The following CFAP74 variants were observed in gnomAD, a reference collection of about 807,000 sequenced individuals.
The protein encoded by CFAP74 is cilia and flagella associated protein 74.
CFAP74 carries 124 observed loss-of-function variants against 188.9 expected under a neutral mutation model. The observed-to-expected ratio is 0.66, with a 90% CI of 0.57 to 0.76. The LOEUF (loss-of-function observed/expected upper bound fraction) is 0.76, where lower values mean the gene tolerates loss of function less well. Among genes scored for constraint, CFAP74 ranks in the 30% least tolerant of loss-of-function variants. The pLI, the probability that CFAP74 is intolerant of heterozygous loss-of-function variation, is 0.00. For missense variants in CFAP74, 2,198 were observed against 2,165.2 expected, an observed-to-expected ratio of 1.02 and a Z score of -0.30; for synonymous variants, 956 against 916.7, an observed-to-expected ratio of 1.04 and a Z score of -0.77.
intron 37 of CFAP74, 108 bp downstream of exon 37, chr1:1,922,877 C>G: frequency 6.7e-7 from 1 of 1,494,212 alleles, no homozygotes; most frequent in Non-Finnish European, 8.9e-7. Flanking sequence ...AAAAGCCCGG[C>G]TGTCAGGACA....
chr1:1,939,386 G>A (rs1401224856), intron 24 of CFAP74, among the ~76,000 whole-genome samples: 2 of 152,232 alleles, frequency 1.3e-5, no homozygotes, highest in African/African-American at 4.8e-5. Context: ...GAGCGCAGGA[G>A]GTGCACAGGA....
chr1:1,988,857 C>A (rs1657407875), intron 3 of CFAP74, 32 bp downstream of exon 3: 1 of 645,946 alleles, frequency 1.5e-6, no homozygotes, highest in South Asian at 1.5e-5. Context: ...CACCCCCCCA[C>A]ACCCACCTCC....
chr1:1,996,572 T>C (rs1657923800), intron 1 of CFAP74, among the ~76,000 whole-genome samples: 1 of 152,080 alleles, frequency 6.6e-6, no homozygotes, highest in African/African-American at 2.4e-5. Flanking sequence ...TCAGATTAAG[T>C]GTGTGTAATC....
intron 6 of CFAP74, among the ~76,000 whole-genome samples, chr1:1,981,112 C>T (rs1656814070): frequency 6.6e-6 from 1 of 152,244 alleles, no homozygotes; most frequent in African/African-American, 2.4e-5. Flanking sequence ...CTCGCACACA[C>T]CCGTGCTATT....
intron 11 of CFAP74, among the ~76,000 whole-genome samples, chr1:1,967,416 A>G (rs1655545528): frequency 1.4e-5 from 2 of 145,914 alleles, no homozygotes; most frequent in South Asian, 4.8e-4. Context: ...TGCCACAGAA[A>G]ATCGCAGGGA....
chr1:1,993,887 C>A (rs2377036), intron 1 of CFAP74, among the ~76,000 whole-genome samples: 138,312 of 149,844 alleles, frequency 0.92, 64,015 homozygotes, highest in Admixed American at 0.95. Flanking sequence ...GAGGCTGAGG[C>A]AGGAGAATGG....
chr1:1,946,409 A>C lies in CFAP74; in HGVS notation c.2272T>G (p.Ser758Ala), dbSNP rs1258486347. 1.3e-6 allele frequency: 2 copies of C among 1,536,738 alleles called. No homozygotes were observed. The highest frequency in any genetic ancestry group is 2.7e-5 in the African/African-American group (2 of 73,014). Reference protein sequence around the residue: ...VTEGEIGPFSSIKVPIVFTPV... With the variant: ...VTEGEIGPFSAIKVPIVFTPV... ...GTGAAGACGATGGGCACCTTGATGG[A>C]GCTGAAGGGGCCAATTTCCCCTTCT... Residue 758 changes from serine (S) to alanine (A), a missense_variant, in exon 20 of 39, where the codon TCC becomes GCC. Coordinates refer to ENST00000682832, the MANE Select transcript of CFAP74 (RefSeq NM_001304360.2).
At chr1:1,989,546 C>A (rs146259211) in intron 2 of CFAP74, among the ~76,000 whole-genome samples, 1 of 152,304 alleles carries the variant, frequency 6.6e-6, no homozygotes, top group Non-Finnish European at 1.5e-5. Flanking sequence ...CTGCCACCTT[C>A]GCCTCCCAGG....
chr1:1,952,702 C>T (rs1654281621), intron 18 of CFAP74, among the ~76,000 whole-genome samples: 1 of 151,992 alleles, frequency 6.6e-6, no homozygotes, highest in African/African-American at 2.4e-5. Context: ...GTCGCCCAGG[C>T]TGAATGCAGT....
intron 25 of CFAP74, among the ~76,000 whole-genome samples, chr1:1,932,384 G>C (rs1370292260): frequency 6.8e-6 from 1 of 147,656 alleles, no homozygotes; most frequent in East Asian, 2.0e-4. Flanking sequence ...GTGATAGAGC[G>C]AGACTCTGTC....
At chr1:1,957,739 A>G (rs1180524378) in intron 16 of CFAP74, among the ~76,000 whole-genome samples, 1 of 151,148 alleles carries the variant, frequency 6.6e-6, no homozygotes. Context: ...CAGGCTGAGC[A>G]GGAGGGAGCC....
intron 23 of CFAP74, among the ~76,000 whole-genome samples, chr1:1,939,985 G>T (rs1039195639): frequency 6.6e-6 from 1 of 152,254 alleles, no homozygotes; most frequent in African/African-American, 2.4e-5. Flanking sequence ...GCCTGCTGCA[G>T]GTGGAGTGGG....
rs1408603626 is a variant in CFAP74 at position 1,973,308 on chromosome 1, G to A, written c.675-261C>T. Reference sequence around the variant, plus strand: ...GCAAGGTTTGATCCCAGCTGGGCAGGGGTCTGGGAAGAGGACGGTGCAGGC... The same window carrying A: ...GCAAGGTTTGATCCCAGCTGGGCAGAGGTCTGGGAAGAGGACGGTGCAGGC... On this transcript the variant is annotated intron_variant, in intron 7 of 38. Coordinates refer to ENST00000682832, the MANE Select transcript of CFAP74 (RefSeq NM_001304360.2). This position sits in a 1 kb window ranked among gnomAD's most constrained non-coding sequence, Gnocchi z 6.2. Among the ~76,000 whole-genome samples the A allele has an allele frequency of 6.6e-6, 1 of 152,212 alleles. No individual in the cohort carries two copies. Among genetic ancestry groups the A allele is most frequent in the Non-Finnish European group, 1.5e-5 (1 of 68,034 alleles).
chr1:1,999,258 C>T (rs925149667), intron 1 of CFAP74, among the ~76,000 whole-genome samples: 5 of 152,302 alleles, frequency 3.3e-5, no homozygotes, highest in Middle Eastern at 3.4e-3. Context: ...CAGGCCCCCA[C>T]GTACTAGCGC....
chr1:1,968,953 C>G lies in CFAP74; in HGVS notation c.1047-120G>C, dbSNP rs1379057490. ...TCCTGGGGGCTCCGGTCCTGCCCAG[C>G]AGCCCCAGGTGAGACAGCGCCTGGC... On this transcript the variant is annotated intron_variant, in intron 10 of 38. Coordinates refer to ENST00000682832, the MANE Select transcript of CFAP74 (RefSeq NM_001304360.2). The surrounding 1 kb of genome is among the most constrained non-coding windows in gnomAD (Gnocchi z 4.3). 13 of 506,684 alleles carry G rather than the reference C, an allele frequency of 2.6e-5. No homozygotes were observed. The highest frequency in any genetic ancestry group is 4.1e-5 in the Non-Finnish European group (13 of 314,700). 31.4% of individuals were successfully genotyped at this position (506,684 alleles called of 1,614,324 possible).
In CFAP74 at chr1:1,964,903, C is replaced by T. The variant is rs1027703526; in HGVS notation, c.1560G>A (p.Glu520=). ...GCGGGCTCACCTGGAAGTGGAGGAG[C>T]TCCGGTTTGCTGTTGAAGGGGCGTC... is the stretch of plus-strand genomic sequence containing the variant. ...FQGRPFNSKP[E]LLHFQDFDIG... Residue 520 remains glutamate, a synonymous_variant, in exon 13 of 39, where the codon GAG becomes GAA. Coordinates refer to ENST00000682832, the MANE Select transcript of CFAP74 (RefSeq NM_001304360.2). The T allele has an allele frequency of 2.5e-6, 4 of 1,613,762 alleles. No individual in the cohort carries two copies. The highest frequency in any genetic ancestry group is 2.5e-6 in the Non-Finnish European group (3 of 1,179,948).
Position 1,972,047 on chromosome 1 carries a change from C to T in CFAP74, c.821G>A (p.Cys274Tyr). The T allele has an allele frequency of 1.2e-6, 2 of 1,613,060 alleles. No individual in the cohort carries two copies. The highest frequency in any genetic ancestry group is 1.7e-6 in the Non-Finnish European group (2 of 1,179,954). Residue 274 changes from cysteine (C) to tyrosine (Y), a missense_variant, in exon 9 of 39, where the codon TGC becomes TAC. By Grantham distance (194) the Cys-to-Tyr change is radical (BLOSUM62 -2). Coordinates refer to ENST00000682832, the MANE Select transcript of CFAP74 (RefSeq NM_001304360.2). ...CATGCGTCGCCTCATGTACTCGTGG[C>T]ACTCCATCTCCTCCTTCTTCTCTTG... ...REQEKKEEME[C>Y]HEYMRRRMDA...
In CFAP74 at chr1:1,979,858, A is replaced by G. The variant is rs111463373; in HGVS notation, c.500+5528T>C. 4.2e-3 allele frequency among the ~76,000 whole-genome samples: 184 copies of G among 43,904 alleles called. 14 individuals are homozygous for G. The highest frequency in any genetic ancestry group is 0.016 in the African/African-American group (170 of 10,922). 28.8% of individuals were successfully genotyped at this position (43,904 alleles called of 152,430 possible). On this transcript the variant is annotated intron_variant, in intron 6 of 38. Coordinates refer to ENST00000682832, the MANE Select transcript of CFAP74 (RefSeq NM_001304360.2). ...TGACCTGGGTGTGGGAAGGCGTCAC[A>G]TGACGAAGCTGCGCAGAACACACGT... is the stretch of plus-strand genomic sequence containing the variant.
intron 24 of CFAP74, among the ~76,000 whole-genome samples, 182 bp downstream of exon 24, chr1:1,939,412 G>A (rs142290926): frequency 1.3e-5 from 2 of 152,312 alleles, no homozygotes; most frequent in East Asian, 3.9e-4. Context: ...GCAGAAGTTG[G>A]GCTGCACGCC....
Sources: allele counts gnomAD v4.1 joint callset (sites outside exome capture counted in the v4.1 genomes callset), GRCh38; gene constraint gnomAD v4.1.1; non-coding constraint Gnocchi (gnomAD v3.1); transcripts MANE v1.5; gene names NCBI Gene and HGNC (gene_info 2026-07-23, HGNC 2026-07-21).